Variants in PER3 observed in about 807,000 individuals in gnomAD.
PER3 encodes period circadian regulator 3, also known as period circadian protein homolog 3.
Under a neutral mutation model 127.2 loss-of-function variants are expected in PER3, and 107 were observed. The ratio of observed to expected loss-of-function variants is 0.84; its 90% confidence interval spans 0.72 to 0.99. The LOEUF (loss-of-function observed/expected upper bound fraction) is 0.99. Among genes scored for constraint, PER3 ranks in the 50% least tolerant of loss-of-function variants. The pLI, the probability that PER3 is intolerant of heterozygous loss-of-function variation, is 0.00. For synonymous variants in PER3, 618 were observed against 585.8 expected (o/e 1.05, Z -0.79); for missense variants, 1,560 against 1,525.8 (o/e 1.02, Z -0.37).
intron 12 of PER3, 148 bp from the exon 13 acceptor site, chr1:7,810,290 C>T (rs958078303): frequency 6.1e-6 from 4 of 653,112 alleles, no homozygotes; most frequent in African/African-American, 3.7e-5. Flanking sequence ...TATACTGTGG[C>T]ATGGTGCAGG....
Position 7,827,191 on chromosome 1 carries a change from G to A in PER3, c.2262G>A (p.Glu754=), listed in dbSNP as rs2097305462. Reference sequence around the variant, plus strand: ...AGCACAAGCGGAAGAAGCTGCCGGAGCCGCCAGACAGCAGCAGCTCGAACA... The same window carrying A: ...AGCACAAGCGGAAGAAGCTGCCGGAACCGCCAGACAGCAGCAGCTCGAACA... ...KGKHKRKKLP[E]PPDSSSSNTG... is the part of the protein sequence containing the mutation. Residue 754 remains glutamate (E), a synonymous_variant, in exon 18 of 22, where the codon GAG becomes GAA. Transcript: ENST00000377532. 6.2e-7 allele frequency: 1 copy of A among 1,613,420 alleles called. No homozygotes were observed. Among genetic ancestry groups the A allele is most frequent in the East Asian group, 2.2e-5 (1 of 44,852 alleles).
At chr1:7,832,603 G>T (rs557616212) in intron 19 of PER3, among the ~76,000 whole-genome samples, 8 of 151,818 alleles carry the variant, frequency 5.3e-5, no homozygotes, top group Non-Finnish European at 1.0e-4. Context: ...TTGAACTCCT[G>T]ATCTCATGAT....
chr1:7,787,900 T>G (rs1027954614), intron 4 of PER3, 145 bp from the exon 5 acceptor site: 1 of 633,266 alleles, frequency 1.6e-6, no homozygotes, highest in East Asian at 2.7e-5. Flanking sequence ...GAGAAAATTA[T>G]TTGAGGAGTT....
At chr1:7,832,413 A>C (rs1488647768) in intron 19 of PER3, among the ~76,000 whole-genome samples, 17 of 120,562 alleles carry the variant, frequency 1.4e-4, no homozygotes, top group African/African-American at 5.2e-4. Flanking sequence ...TGGCACTGTC[A>C]CCTGGGCTGG....
In PER3 at chr1:7,835,794, A is replaced by G; in HGVS notation, c.3247A>G (p.Ser1083Gly). 1 of 1,612,378 alleles carries G rather than the reference A, an allele frequency of 6.2e-7. No homozygotes were observed. The highest frequency in any genetic ancestry group is 8.5e-7 in the Non-Finnish European group (1 of 1,178,460). ...SSDSSIYLTSSVYSSKISQNG... is the reference protein window; with the variant it reads ...SSDSSIYLTSGVYSSKISQNG... ...CGACAGCAGTATATACCTTACTAGT[A>G]GTGTTTATTCTTCTAAAATCTCCCA... Residue 1083 changes from serine (S) to glycine (G), a missense_variant, in exon 20 of 22, where the codon AGT (serine) becomes GGT (glycine). Coordinates refer to ENST00000377532, the MANE Select transcript of PER3 (RefSeq NM_001377275.1).
intron 3 of PER3, 73 bp downstream of exon 3, chr1:7,785,659 G>T (rs544498432): frequency 2.3e-6 from 3 of 1,291,572 alleles, no homozygotes; most frequent in African/African-American, 1.5e-5. Context: ...GGAGTGGTCA[G>T]TGGGGTCTCA....
In PER3 at chr1:7,844,063, T is replaced by G. The variant is rs1022987691; in HGVS notation, c.*1308T>G. The G allele has an allele frequency of 2.4e-6, 2 of 849,370 alleles. No individual in the cohort carries two copies. The highest frequency in any genetic ancestry group is 1.8e-5 in the African/African-American group (1 of 54,054). The allele number at this position is 849,370 out of a possible 1,614,324, so 52.6% of individuals were successfully genotyped here. On this transcript the variant is annotated 3_prime_UTR_variant, in exon 22 of 22. Transcript: ENST00000377532. Reference sequence around the variant, plus strand: ...TTTTTCCTTTTTTTGTTTTTGGTTTTTTATGGTTTTTTAAGGAAAATACTT... The same window carrying G: ...TTTTTCCTTTTTTTGTTTTTGGTTTGTTATGGTTTTTTAAGGAAAATACTT...
At position 7,835,380 on chromosome 1, in the gene PER3, G is replaced by T. The variant is rs185357597; in HGVS notation, c.3215-382G>T. On this transcript the variant is annotated intron_variant, in intron 19 of 21. Coordinates refer to ENST00000377532, the MANE Select transcript of PER3 (RefSeq NM_001377275.1). ...AAAGAAGTCTAAGGTATTGCAAGGT[G>T]TGTTACTGAATGATGAACTGAGGAC... 2.6e-5 allele frequency among the ~76,000 whole-genome samples: 4 copies of T among 152,326 alleles called. No individual in the cohort carries two copies. In the East Asian group the frequency reaches 7.7e-4, roughly 29 times the overall value.
chr1:7,823,310 T>C (rs1195032924), intron 16 of PER3, among the ~76,000 whole-genome samples: 1 of 152,134 alleles, frequency 6.6e-6, no homozygotes, highest in Non-Finnish European at 1.5e-5. Context: ...CAGGAAGACA[T>C]AACAGTCATA....
At position 7,827,193 on chromosome 1, in the gene PER3, C is replaced by T. The variant is rs1434864039; in HGVS notation, c.2264C>T (p.Pro755Leu). 8 of 1,613,504 alleles carry T rather than the reference C, an allele frequency of 5.0e-6. 1 individual carries two copies. Among genetic ancestry groups the T allele is most frequent in the East Asian group, 2.2e-5 (1 of 44,858 alleles). The part of the protein sequence containing the change: ...GKHKRKKLPE[P>L]PDSSSSNTGS... ...CACAAGCGGAAGAAGCTGCCGGAGC[C>T]GCCAGACAGCAGCAGCTCGAACACC... Residue 755 changes from proline to leucine, a missense_variant, in exon 18 of 22, where the codon CCG (proline) becomes CTG (leucine). Physicochemically the swap from Pro to Leu is moderately conservative, Grantham distance 98. This residue lies in a region of PER3 where 1,332 missense variants were observed against 1,223.6 expected (regional missense o/e 1.09). Transcript: ENST00000377532.
chr1:7,801,092 T>G, intron 7 of PER3, 21 bp from the exon 8 acceptor site: 1 of 1,107,318 alleles, frequency 9.0e-7, no homozygotes, highest in African/African-American at 1.6e-5. Flanking sequence ...TTTAAATGGG[T>G]CTTTGTTTTT....
intron 13 of PER3, among the ~76,000 whole-genome samples, chr1:7,811,193 T>A (rs2097217690): frequency 6.6e-6 from 1 of 152,240 alleles, no homozygotes; most frequent in Non-Finnish European, 1.5e-5. Context: ...TAGCTAACTT[T>A]CCCTTCATTT....
chr1:7,837,030 G>T lies in PER3; in HGVS notation c.3430G>T (p.Glu1144Ter), dbSNP rs199830936. The T allele has an allele frequency of 2.5e-6, 4 of 1,613,816 alleles. No individual in the cohort carries two copies. Among genetic ancestry groups the T allele is most frequent in the Non-Finnish European group, 3.4e-6 (4 of 1,179,888 alleles). The change falls in exon 21 of 22, where the codon GAA becomes TAA. Residue 1144 changes from glutamate (E) to a stop codon, truncating the protein, a stop_gained. Coordinates refer to ENST00000377532, the MANE Select transcript of PER3 (RefSeq NM_001377275.1). LOFTEE classifies it high-confidence loss of function. Reference protein sequence around the residue: ...VKEVVLKEDLEKLESMRQQQP... With the variant: ...VKEVVLKEDL ...AGAAGTTGTACTAAAAGAAGACCTG[G>T]AAAAGCTAGAAAGTATGAGGCAGCA... is the stretch of plus-strand genomic sequence containing the variant.
chr1:7,804,545 T>G (rs1220879868), intron 10 of PER3, among the ~76,000 whole-genome samples: 1 of 151,692 alleles, frequency 6.6e-6, no homozygotes, highest in Non-Finnish European at 1.5e-5. Context: ...GGCCCACAGG[T>G]GCCTGCCAAC....
At chr1:7,803,213 T>C in intron 9 of PER3, 60 bp downstream of exon 9, 1 of 1,061,354 alleles carries the variant, frequency 9.4e-7, no homozygotes, top group Non-Finnish European at 1.5e-6. Flanking sequence ...GTTCTAATTT[T>C]TCTTTTCATC....
At chr1:7,786,580 A>C (rs1358480919) in intron 3 of PER3, 141 bp from the exon 4 acceptor site, 1 of 551,198 alleles carries the variant, frequency 1.8e-6, no homozygotes, top group Non-Finnish European at 3.3e-6. Context: ...TTTAGGTAAA[A>C]GCAGAAAATG....
intron 16 of PER3, among the ~76,000 whole-genome samples, chr1:7,821,142 T>C (rs925757095): frequency 3.3e-5 from 5 of 152,266 alleles, no homozygotes; most frequent in African/African-American, 9.6e-5. Context: ...ATTATTCTAC[T>C]GTCTTCTTAT....
At chr1:7,831,801 C>T (rs534368034) in intron 19 of PER3, among the ~76,000 whole-genome samples, 37 of 152,252 alleles carry the variant, frequency 2.4e-4, no homozygotes, top group East Asian at 9.6e-4. Flanking sequence ...TATTTTGTTA[C>T]GCATTATTGC....
intron 5 of PER3, 178 bp downstream of exon 5, chr1:7,788,424 T>A: frequency 1.7e-6 from 1 of 589,160 alleles, no homozygotes; most frequent in East Asian, 2.8e-5. Flanking sequence ...GATAACATAC[T>A]CAATACGTTT....
Sources: allele counts gnomAD v4.1 joint callset (sites outside exome capture counted in the v4.1 genomes callset), GRCh38; gene constraint gnomAD v4.1.1; regional missense constraint gnomAD v4.1.1; transcripts MANE v1.5; gene names NCBI Gene and HGNC (gene_info 2026-07-23, HGNC 2026-07-21).